The following ITPRID1 variants were observed in gnomAD, a reference collection of about 807,000 sequenced individuals.
ITPRID1 encodes the protein protein ITPRID1.
ITPRID1 carries 96 observed loss-of-function variants against 95.4 expected under a neutral mutation model. The observed-to-expected ratio is 1.01, with a 90% CI of 0.85 to 1.19. ITPRID1 has a LOEUF of 1.19. Ranked by LOEUF, ITPRID1 falls within the 50% of genes most tolerant of loss-of-function variation. ITPRID1 has a pLI of 0.00. For missense variants in ITPRID1, 1,339 were observed against 1,252.9 expected, an observed-to-expected ratio of 1.07 and a Z score of -1.04; for synonymous variants, 510 against 453.6, an observed-to-expected ratio of 1.12 and a Z score of -1.58.
At chr7:31,556,011 T>G (rs1175090161) in intron 5 of ITPRID1, among the ~76,000 whole-genome samples, 2 of 152,262 alleles carry the variant, frequency 1.3e-5, no homozygotes, top group South Asian at 2.1e-4. Flanking sequence ...AAGCAAAAAC[T>G]TCAGAAAAAT....
intron 1 of ITPRID1, among the ~76,000 whole-genome samples, chr7:31,520,948 C>T (rs1410599608): frequency 1.3e-5 from 2 of 151,934 alleles, no homozygotes; most frequent in Non-Finnish European, 2.9e-5. Flanking sequence ...ACCCTGGCTT[C>T]ACATTACAAA....
intron 10 of ITPRID1, among the ~76,000 whole-genome samples, chr7:31,598,750 T>C (rs1027753941): frequency 1.3e-5 from 2 of 152,074 alleles, no homozygotes; most frequent in Admixed American, 6.6e-5. Flanking sequence ...TAAATGACCA[T>C]ATAAAACTGG....
At chr7:31,581,169 C>T (rs1170788446) in intron 9 of ITPRID1, among the ~76,000 whole-genome samples, 1 of 152,136 alleles carries the variant, frequency 6.6e-6, no homozygotes, top group Non-Finnish European at 1.5e-5. Flanking sequence ...AGCCAATGTA[C>T]TTAAATATCT....
Position 31,632,284 on chromosome 7 carries a change from T to TA in ITPRID1, c.1229-9885dup, listed in dbSNP as rs533401581. 4.1e-3 allele frequency among the ~76,000 whole-genome samples: 619 copies of TA among 151,772 alleles called. 15 individuals carry two copies. Among genetic ancestry groups the TA allele is most frequent in the Admixed American group, 0.036 (545 of 15,222 alleles). On this transcript the variant is annotated intron_variant, in intron 10 of 14. Transcript: ENST00000615280. ...TAACACGGTGAAACTCCATCTCTAC[T>TA]AAAAAAACAATAAATTAGCCAGGCG...
intron 5 of ITPRID1, among the ~76,000 whole-genome samples, chr7:31,557,863 T>G (rs1461568302): frequency 6.6e-6 from 1 of 152,208 alleles, no homozygotes; most frequent in Non-Finnish European, 1.5e-5. Context: ...TAATAACATT[T>G]ACTACACGTG....
intron 10 of ITPRID1, among the ~76,000 whole-genome samples, chr7:31,628,492 C>T (rs1464904313): frequency 2.0e-5 from 3 of 149,452 alleles, no homozygotes; most frequent in Non-Finnish European, 4.4e-5. Context: ...GAGTCTCGCT[C>T]TGTCACTCGG....
In ITPRID1 at chr7:31,652,026, G is replaced by C. The variant is rs1435422412; in HGVS notation, c.2799G>C (p.Gln933His). 3.1e-6 allele frequency: 5 copies of C among 1,601,528 alleles called. No homozygotes were observed. In the South Asian group the frequency reaches 5.7e-5, roughly 18 times the overall value. ...ELEFQLGDRA[Q>H]QIREGILLQL... ...AATTTCAGTTAGGAGACCGGGCTCA[G>C]CAAATCAGAGAAGGGATTTTACTGG... Residue 933 changes from glutamine (Q) to histidine (H), a missense_variant, in exon 14 of 15, where the codon CAG (glutamine) becomes CAC (histidine). Transcript: ENST00000615280.
chr7:31,631,486 T>G (rs79357856), intron 10 of ITPRID1, among the ~76,000 whole-genome samples: 1 of 152,242 alleles, frequency 6.6e-6, no homozygotes, highest in Non-Finnish European at 1.5e-5. Context: ...ATCTTTATTT[T>G]TTATTTATGA....
At chr7:31,598,740 T>C (rs1786215689) in intron 10 of ITPRID1, among the ~76,000 whole-genome samples, 1 of 152,068 alleles carries the variant, frequency 6.6e-6, no homozygotes, top group Non-Finnish European at 1.5e-5. Flanking sequence ...AAGAAAAAGG[T>C]AAATGACCAT....
chr7:31,554,610 C>A, intron 4 of ITPRID1, 87 bp downstream of exon 4: 2 of 1,514,748 alleles, frequency 1.3e-6, no homozygotes, highest in South Asian at 2.4e-5. Context: ...TGGGCAAGGT[C>A]GGGGAAGTGT....
chr7:31,640,833 T>C lies in ITPRID1; in HGVS notation c.1229-1343T>C, dbSNP rs975662987. 3.8e-4 allele frequency among the ~76,000 whole-genome samples: 58 copies of C among 152,192 alleles called. 1 individual carries two copies. The highest frequency in any genetic ancestry group is 1.3e-3 in the African/African-American group (54 of 41,450). The stretch of plus-strand genomic sequence containing the variant: ...ATGGCTAGGTCAAAAATATGCATTC[T>C]CAAAATTTTGCTCAAAGTTTCTCAA... On this transcript the variant is annotated intron_variant, in intron 10 of 14. Coordinates refer to ENST00000615280, the MANE Select transcript of ITPRID1 (RefSeq NM_001257967.3).
intron 5 of ITPRID1, among the ~76,000 whole-genome samples, chr7:31,557,774 C>T (rs1226802074): frequency 6.6e-6 from 1 of 152,116 alleles, no homozygotes. Flanking sequence ...ACAAAAGCCA[C>T]CCAGTTAGTA....
At chr7:31,594,811 C>T (rs554487791) in intron 10 of ITPRID1, among the ~76,000 whole-genome samples, 146 of 151,490 alleles carry the variant, frequency 9.6e-4, no homozygotes, top group African/African-American at 3.3e-3. Flanking sequence ...GAGTTGAGAT[C>T]GTGCCACTGC....
At chr7:31,547,653 T>A (rs373506992) in intron 1 of ITPRID1, among the ~76,000 whole-genome samples, 2 of 152,236 alleles carry the variant, frequency 1.3e-5, no homozygotes, top group South Asian at 4.1e-4. Flanking sequence ...TCCTTCTTTT[T>A]TTTAGTGCTT....
chr7:31,654,458 C>A lies in ITPRID1; in HGVS notation c.*1629C>A, dbSNP rs150899063. ...ATGGAAAGCCACTGTGGGTTTTAAG[C>A]AGGGTCGTCATATAATCTGATTTAC... On this transcript the variant is annotated 3_prime_UTR_variant, in exon 15 of 15. Coordinates refer to ENST00000615280, the MANE Select transcript of ITPRID1 (RefSeq NM_001257967.3). Among the ~76,000 whole-genome samples, 116 of 152,252 alleles carry A rather than the reference C, an allele frequency of 7.6e-4. No homozygotes were observed. The highest frequency in any genetic ancestry group is 1.4e-3 in the Non-Finnish European group (93 of 68,016).
intron 10 of ITPRID1, among the ~76,000 whole-genome samples, chr7:31,616,738 T>TG (rs2128169315): frequency 6.6e-6 from 1 of 152,162 alleles, no homozygotes; most frequent in Non-Finnish European, 1.5e-5. Flanking sequence ...GCATAAGGAT[T>TG]ATGTACAGGT....
At chr7:31,598,906 G>T (rs1786222714) in intron 10 of ITPRID1, among the ~76,000 whole-genome samples, 1 of 152,138 alleles carries the variant, frequency 6.6e-6, no homozygotes, top group Non-Finnish European at 1.5e-5. Flanking sequence ...TTTAGTATTT[G>T]ATACTATCAA....
chr7:31,570,665 C>T (rs1784953870), intron 6 of ITPRID1, among the ~76,000 whole-genome samples: 1 of 152,164 alleles, frequency 6.6e-6, no homozygotes, highest in Admixed American at 6.5e-5. Context: ...TCTCAGGCAA[C>T]TCTCGCTTTG....
chr7:31,556,508 G>T (rs1336739630), intron 5 of ITPRID1, among the ~76,000 whole-genome samples: 5 of 152,028 alleles, frequency 3.3e-5, no homozygotes, highest in Non-Finnish European at 7.4e-5. Flanking sequence ...TGGAGGCCTG[G>T]CCTTCTATTA....
Sources: gnomAD v4.1 joint callset for allele counts (sites outside exome capture counted in the v4.1 genomes callset) on GRCh38, gnomAD v4.1.1 for gene constraint, MANE v1.5 for transcripts, NCBI Gene and HGNC (gene_info 2026-07-23, HGNC 2026-07-21) for gene names.